The following ARMC3 variants were observed in gnomAD, a reference collection of about 807,000 sequenced individuals.
ARMC3 encodes armadillo repeat-containing protein 3.
A neutral mutation model predicts 90.3 loss-of-function variants in ARMC3; 74 were observed. That is an observed-to-expected ratio of 0.82 (90% CI 0.68 to 0.99). The LOEUF (loss-of-function observed/expected upper bound fraction) is 0.99, where lower values mean the gene tolerates loss of function less well. ARMC3 is among the 50% of genes least tolerant of loss of function. The pLI is 0.00. For missense variants in ARMC3, 958 were observed against 1,042.8 expected (o/e 0.92, Z 1.12); for synonymous variants, 334 against 361.8 (o/e 0.92, Z 0.87).
chr10:23,033,184 TAC>T (rs556225664), intron 18 of ARMC3, among the ~76,000 whole-genome samples, 161 bp downstream of exon 18: 1 of 147,674 alleles, frequency 6.8e-6, no homozygotes. Context: ...TATACAAGCA[TAC>T]ACATATATAT....
chr10:22,984,200 G>A (rs1212490029), intron 10 of ARMC3, among the ~76,000 whole-genome samples: 2 of 152,056 alleles, frequency 1.3e-5, no homozygotes, highest in South Asian at 2.1e-4. Flanking sequence ...TCTCCTACAC[G>A]CATATCTTAA....
chr10:22,985,655 GT>G (rs1836385707), intron 10 of ARMC3, among the ~76,000 whole-genome samples: 1 of 152,158 alleles, frequency 6.6e-6, no homozygotes, highest in African/African-American at 2.4e-5. Context: ...TCTCGTGTAT[GT>G]TGTGGTTATG....
intron 1 of ARMC3, among the ~76,000 whole-genome samples, chr10:22,929,206 G>A (rs761693634): frequency 6.6e-6 from 1 of 150,932 alleles, no homozygotes; most frequent in Non-Finnish European, 1.5e-5. Context: ...CTGGGCAACA[G>A]AGTGAGACTC....
rs1837624764 is a variant in ARMC3 at position 23,006,603 on chromosome 10, A to G, written c.1732-281A>G. 4.2e-5 allele frequency: 15 copies of G among 353,902 alleles called. 1 individual carries two copies. Among genetic ancestry groups the G allele is most frequent in the South Asian group, 3.9e-4 (15 of 38,934 alleles). 21.9% of individuals were successfully genotyped at this position (353,902 alleles called of 1,614,324 possible). On this transcript the variant is annotated intron_variant, in intron 13 of 18. Transcript: ENST00000298032. Reference sequence around the variant, plus strand: ...CTTAGGTATATAGATGGATTTGCCAATCCAAATACTTCCAGGGGCCAAGAT... The same window carrying G: ...CTTAGGTATATAGATGGATTTGCCAGTCCAAATACTTCCAGGGGCCAAGAT...
At chr10:23,000,031 C>G (rs1190021939) in intron 11 of ARMC3, among the ~76,000 whole-genome samples, 2 of 152,000 alleles carry the variant, frequency 1.3e-5, no homozygotes, top group Admixed American at 6.5e-5. Flanking sequence ...ACTTTTTTCC[C>G]TCCCCTCCTA....
At chr10:22,957,503 G>A (rs1834994552) in intron 4 of ARMC3, among the ~76,000 whole-genome samples, 1 of 152,174 alleles carries the variant, frequency 6.6e-6, no homozygotes, top group East Asian at 1.9e-4. Flanking sequence ...ATGGCAACAG[G>A]ATGAGGACAG....
At chr10:22,942,299 G>A (rs141804538) in intron 2 of ARMC3, among the ~76,000 whole-genome samples, 44 of 152,248 alleles carry the variant, frequency 2.9e-4, no homozygotes, top group African/African-American at 9.9e-4. Context: ...GAACACTGTG[G>A]GTGCGGCAGG....
At chr10:22,992,476 T>C (rs1002147631) in intron 10 of ARMC3, among the ~76,000 whole-genome samples, 2 of 152,216 alleles carry the variant, frequency 1.3e-5, no homozygotes, top group Non-Finnish European at 2.9e-5. Context: ...TTTTTCCCTG[T>C]GGCTAGGCTT....
intron 10 of ARMC3, among the ~76,000 whole-genome samples, chr10:22,996,968 A>G (rs1447788345): frequency 6.6e-6 from 1 of 152,060 alleles, no homozygotes; most frequent in African/African-American, 2.4e-5. Flanking sequence ...TCCTAAATGA[A>G]AAAATGTGTC....
intron 8 of ARMC3, among the ~76,000 whole-genome samples, chr10:22,974,923 T>C (rs565211879): frequency 0.043 from 4 of 94 alleles, no homozygotes; most frequent in East Asian, 0.33. Context: ...ATTATAGGCA[T>C]GAGCCCCACC....
chr10:22,936,437 G>A (rs1252939474), intron 2 of ARMC3, among the ~76,000 whole-genome samples: 2 of 152,110 alleles, frequency 1.3e-5, no homozygotes, highest in Admixed American at 6.5e-5. Flanking sequence ...GTTGGAAAAC[G>A]CTATTCTAGA....
At chr10:23,004,938 C>T (rs1029881828) in intron 13 of ARMC3, among the ~76,000 whole-genome samples, 1 of 152,056 alleles carries the variant, frequency 6.6e-6, no homozygotes, top group Non-Finnish European at 1.5e-5. Flanking sequence ...AGAGGGGGGC[C>T]GGGCGTGGTG....
At chr10:23,006,842 C>A (rs996519701) in intron 13 of ARMC3, 42 bp from the exon 14 acceptor site, 1 of 1,557,176 alleles carries the variant, frequency 6.4e-7, no homozygotes, top group African/African-American at 1.4e-5. Flanking sequence ...GAAAATATGA[C>A]CCCTGCAGAT....
intron 7 of ARMC3, among the ~76,000 whole-genome samples, chr10:22,967,576 A>G (rs1184129598): frequency 6.6e-6 from 1 of 152,180 alleles, no homozygotes; most frequent in African/African-American, 2.4e-5. Context: ...ACTGATTCAG[A>G]GCATATACAG....
chr10:23,003,484 C>T (rs1395857113), intron 13 of ARMC3, 70 bp downstream of exon 13: 38 of 1,229,050 alleles, frequency 3.1e-5, no homozygotes, highest in Non-Finnish European at 4.2e-5. Context: ...GATGCCATTA[C>T]ATTGCCATTT....
intron 2 of ARMC3, among the ~76,000 whole-genome samples, chr10:22,932,946 G>A (rs958583498): frequency 5.9e-5 from 9 of 152,186 alleles, no homozygotes; most frequent in African/African-American, 1.4e-4. Context: ...TATCAAACTC[G>A]TTCCCGTTGT....
intron 4 of ARMC3, among the ~76,000 whole-genome samples, chr10:22,956,860 A>C (rs866135693): frequency 4.0e-5 from 6 of 150,338 alleles, no homozygotes; most frequent in African/African-American, 1.5e-4. Flanking sequence ...ATGATGGTAT[A>C]ATATTAGTTA....
intron 11 of ARMC3, among the ~76,000 whole-genome samples, chr10:22,999,840 C>T (rs1837201375): frequency 6.6e-6 from 1 of 152,138 alleles, no homozygotes; most frequent in Non-Finnish European, 1.5e-5. Context: ...CCCATTGACT[C>T]ACTTCATTTG....
At position 23,008,387 on chromosome 10, in the gene ARMC3, T is replaced by A. The variant is rs1363692731; in HGVS notation, c.1928+13T>A. The A allele has an allele frequency of 3.0e-6, 4 of 1,326,910 alleles. No individual in the cohort carries two copies. Among genetic ancestry groups the A allele is most frequent in the Non-Finnish European group, 4.2e-6 (4 of 954,120 alleles). 82.2% of individuals were successfully genotyped at this position (1,326,910 alleles called of 1,614,324 possible). A position where few individuals can be genotyped will look rare whatever the true frequency, so the allele number is the denominator to read the frequency against. ...AAGAAAAGAACAAGTAAGAAAATGA[T>A]GTTTTATCTGTATGCAAACAGCTTC... On this transcript the variant is annotated intron_variant, in intron 15 of 18. Coordinates refer to ENST00000298032, the MANE Select transcript of ARMC3 (RefSeq NM_173081.5).
Sources: gnomAD v4.1 joint callset for allele counts (sites outside exome capture counted in the v4.1 genomes callset) on GRCh38, gnomAD v4.1.1 for gene constraint, MANE v1.5 for transcripts, NCBI Gene and HGNC (gene_info 2026-07-23, HGNC 2026-07-21) for gene names.